Variants in CES1 observed in about 807,000 individuals in gnomAD.
CES1 encodes the protein carboxylesterase 1.
In CES1, 50 loss-of-function variants were observed where a neutral mutation model predicts 53.0. The observed-to-expected ratio is 0.94, with a 90% CI of 0.75 to 1.19. CES1 has a LOEUF of 1.19. CES1 is among the 50% of genes most tolerant of loss of function. CES1 has a pLI of 0.00. For synonymous variants in CES1, 202 were observed against 210.1 expected, an observed-to-expected ratio of 0.96 and a Z score of 0.33; for missense variants, 534 against 538.0, an observed-to-expected ratio of 0.99 and a Z score of 0.07.
intron 11 of CES1, among the ~76,000 whole-genome samples, chr16:55,809,545 A>G (rs2031593889): frequency 1.3e-5 from 2 of 152,226 alleles, no homozygotes; most frequent in African/African-American, 4.8e-5. Flanking sequence ...GTGAGCACAC[A>G]CATCCCTAAC....
Position 55,819,593 on chromosome 16 carries a change from A to T in CES1, c.848T>A (p.Met283Lys). 1 of 1,614,174 alleles carries T rather than the reference A, an allele frequency of 6.2e-7. No homozygotes were observed. The highest frequency in any genetic ancestry group is 8.5e-7 in the Non-Finnish European group (1 of 1,180,028). Residue 283 changes from methionine (M) to lysine (K), a missense_variant, in exon 7 of 14, where the codon ATG becomes AAG. By Grantham distance (95) the Met-to-Lys change is moderately conservative. This residue lies in a region of CES1 where 269 missense variants were observed against 206.6 expected (regional missense o/e 1.30). Coordinates refer to ENST00000360526, the MANE Select transcript of CES1 (RefSeq NM_001025195.2). ...AGCKTTTSAV[M>K]VHCLRQKTEE... The stretch of plus-strand genomic sequence containing the variant: ...CGTCTTCTGTCGCAGGCAGTGAACC[A>T]TGACAGCAGAGGTGGTGGTTTTGCA...
chr16:55,811,139 C>G (rs2031678365), intron 9 of CES1, 129 bp from the exon 10 acceptor site: 1 of 757,054 alleles, frequency 1.3e-6, no homozygotes, highest in South Asian at 1.5e-5. Context: ...GGGCATGAGT[C>G]TTTACTGAAA....
chr16:55,814,159 G>A (rs2031830449), intron 8 of CES1, among the ~76,000 whole-genome samples: 1 of 152,250 alleles, frequency 6.6e-6, no homozygotes, highest in South Asian at 2.1e-4. Flanking sequence ...CACTCAAGGA[G>A]CCTAGACTAG....
intron 10 of CES1, 78 bp downstream of exon 10, chr16:55,810,849 T>C: frequency 1.4e-6 from 2 of 1,446,800 alleles, no homozygotes; most frequent in Middle Eastern, 2.0e-4. Context: ...CATTCTGCCA[T>C]TTAATTGCTC....
At chr16:55,810,268 C>T (rs2031627983) in intron 11 of CES1, among the ~76,000 whole-genome samples, 1 of 152,116 alleles carries the variant, frequency 6.6e-6, no homozygotes, top group Non-Finnish European at 1.5e-5. Flanking sequence ...CTCTCACTTC[C>T]CCACCTCCCT....
intron 9 of CES1, chr16:55,812,529 C>T (rs1466938217): frequency 1.2e-5 from 4 of 345,164 alleles, no homozygotes; most frequent in African/African-American, 2.1e-5. Flanking sequence ...TTACGCACAC[C>T]CAGCCCGAGG....
intron 11 of CES1, among the ~76,000 whole-genome samples, chr16:55,809,870 G>T (rs574440619): frequency 1.3e-5 from 2 of 152,224 alleles, no homozygotes; most frequent in East Asian, 1.9e-4. Flanking sequence ...TCCTACAGCA[G>T]CCCTATGTCC....
intron 4 of CES1, among the ~76,000 whole-genome samples, chr16:55,822,983 G>A (rs1279644944): frequency 6.6e-6 from 1 of 152,066 alleles, no homozygotes; most frequent in Non-Finnish European, 1.5e-5. Flanking sequence ...GACCTGATGG[G>A]AAGACTCCAT....
Position 55,828,629 on chromosome 16 carries a change from G to A in CES1, c.260+138C>T. On this transcript the variant is annotated intron_variant, in intron 2 of 13. Transcript: ENST00000360526. ...AATAATGGACTCCAGAATGCTGTGA[G>A]AGTTCTGGAATGTTCTTAAGGATCT... is the stretch of plus-strand genomic sequence containing the variant. 3.1e-6 allele frequency: 3 copies of A among 975,914 alleles called. No homozygotes were observed. In the East Asian group the frequency reaches 7.3e-5, roughly 24 times the overall value. The allele number at this position is 975,914 out of a possible 1,614,324, so 60.5% of individuals were successfully genotyped here. A position where few individuals can be genotyped will look rare whatever the true frequency, so the allele number is the denominator to read the frequency against.
chr16:55,812,956 C>A lies in CES1; in HGVS notation c.1033G>T (p.Val345Phe). The A allele has an allele frequency of 1.2e-6, 2 of 1,614,062 alleles. No homozygotes were observed. Among genetic ancestry groups the A allele is most frequent in the Admixed American group, 3.3e-5 (2 of 60,030 alleles). Reference sequence around the variant, plus strand: ...TTGTTAATTCCGACCATGTAGGGGACAGTGTGGAAATTCCTTTCAGCTTGA... The same window carrying A: ...TTGTTAATTCCGACCATGTAGGGGAAAGTGTGGAAATTCCTTTCAGCTTGA... ...ELQAERNFHT[V>F]PYMVGINKQE... Residue 345 changes from valine to phenylalanine, a missense_variant, in exon 9 of 14, where the codon GTC becomes TTC. By Grantham distance (50) the Val-to-Phe change is conservative. Transcript: ENST00000360526.
chr16:55,810,734 C>A lies in CES1; in HGVS notation c.1171-70G>T, dbSNP rs572642274. On this transcript the variant is annotated intron_variant, in intron 10 of 13. Coordinates refer to ENST00000360526, the MANE Select transcript of CES1 (RefSeq NM_001025195.2). The stretch of plus-strand genomic sequence containing the variant: ...CAGCTTCTCCAGCCCACCAGAAAGT[C>A]CTGCCTCAATGGTGAACCCCATAAG... 1.2e-5 allele frequency: 19 copies of A among 1,583,822 alleles called. No homozygotes were observed. The African/African-American group carries it at 2.6e-4, about 21-fold the overall frequency.
chr16:55,824,285 A>G (rs1448545505), intron 3 of CES1, among the ~76,000 whole-genome samples: 2 of 152,292 alleles, frequency 1.3e-5, no homozygotes, highest in Admixed American at 6.5e-5. Context: ...ACTGTCGAGA[A>G]CTTAGCATGT....
intron 8 of CES1, among the ~76,000 whole-genome samples, chr16:55,816,296 C>T (rs1397826972): frequency 6.6e-6 from 1 of 152,194 alleles, no homozygotes; most frequent in African/African-American, 2.4e-5. Flanking sequence ...CAAGTCCTGG[C>T]ACATAGGAAG....
intron 2 of CES1, chr16:55,827,957 T>A (rs567843897): frequency 6.6e-6 from 1 of 152,392 alleles, no homozygotes; most frequent in South Asian, 2.1e-4. Context: ...TTTTCTTACT[T>A]TCCTTTCTCT....
chr16:55,826,343 G>A lies in CES1; in HGVS notation c.261-48C>T, dbSNP rs777066743. 6.8e-6 allele frequency: 11 copies of A among 1,611,594 alleles called. 1 individual carries two copies. The highest frequency in any genetic ancestry group is 6.6e-5 in the South Asian group (6 of 91,032). ...CCCTGAAGTTCAGCCAGATCTAAGCGAGGTGTTTTCTACGGCAGCGCCTTG... is the reference window on the plus strand; with the variant it reads ...CCCTGAAGTTCAGCCAGATCTAAGCAAGGTGTTTTCTACGGCAGCGCCTTG... On this transcript the variant is annotated intron_variant, in intron 2 of 13. Transcript: ENST00000360526.
intron 4 of CES1, among the ~76,000 whole-genome samples, chr16:55,822,431 G>A (rs1297165342): frequency 6.6e-6 from 1 of 152,218 alleles, no homozygotes; most frequent in Non-Finnish European, 1.5e-5. Flanking sequence ...GACAGTCCGG[G>A]CTGTCCACAA....
At chr16:55,831,772 A>G (rs1400924706) in intron 1 of CES1, among the ~76,000 whole-genome samples, 1 of 151,712 alleles carries the variant, frequency 6.6e-6, no homozygotes, top group Non-Finnish European at 1.5e-5. Flanking sequence ...GACAGGATGC[A>G]GACGGGGCTG....
rs138261986 is a variant in CES1, at chr16:55,822,494, G to A, written c.540-973C>T. Among the ~76,000 whole-genome samples the A allele has an allele frequency of 1.9e-3, 295 of 152,296 alleles. 3 individuals carry two copies. The highest frequency in any genetic ancestry group is 6.2e-3 in the African/African-American group (257 of 41,542). On this transcript the variant is annotated intron_variant, in intron 4 of 13. Coordinates refer to ENST00000360526, the MANE Select transcript of CES1 (RefSeq NM_001025195.2). ...GTGGCAGCAGAAGCTGAGTGGAGGC[G>A]TGGTGGGAGGAGAAGGGGGTCTCTG...
At chr16:55,816,129 G>A (rs573778289) in intron 8 of CES1, among the ~76,000 whole-genome samples, 2 of 152,394 alleles carry the variant, frequency 1.3e-5, no homozygotes, top group South Asian at 4.1e-4. Context: ...TACTTAAATT[G>A]AAGCCACCCA....
Sources: allele counts gnomAD v4.1 joint callset (sites outside exome capture counted in the v4.1 genomes callset), GRCh38; gene constraint gnomAD v4.1.1; regional missense constraint gnomAD v4.1.1; transcripts MANE v1.5; gene names NCBI Gene and HGNC (gene_info 2026-07-23, HGNC 2026-07-21).